UACA: variants seen among roughly 807,000 people sequenced by gnomAD.
The protein encoded by UACA is nuclear membrane binding protein.
A neutral mutation model predicts 160.5 loss-of-function variants in UACA; 112 were observed. That is an observed-to-expected ratio of 0.70 (90% CI 0.60 to 0.82). The LOEUF is 0.82. Among genes scored for constraint, UACA ranks in the 40% least tolerant of loss-of-function variants. The pLI, the probability that UACA is intolerant of heterozygous loss-of-function variation, is 0.00. For missense variants in UACA, 1,574 were observed against 1,614.6 expected, an observed-to-expected ratio of 0.97 and a Z score of 0.43; for synonymous variants, 557 against 568.4, an observed-to-expected ratio of 0.98 and a Z score of 0.29.
intron 13 of UACA, 73 bp downstream of exon 13, chr15:70,676,420 A>T: frequency 9.0e-7 from 1 of 1,106,978 alleles, no homozygotes; most frequent in Non-Finnish European, 1.3e-6. Context: ...TTATAATTCA[A>T]ATTCAAGTCT....
At position 70,695,018 on chromosome 15, in the gene UACA, TG is replaced by T. The variant is rs1369779891; in HGVS notation, c.299del (p.Ala100GlufsTer61). 6.2e-7 allele frequency: 1 copy of T among 1,605,256 alleles called. No individual in the cohort carries two copies. The highest frequency in any genetic ancestry group is 2.2e-5 in the East Asian group (1 of 44,506). ...AATTAACTATGGAGGCAAACATACC[TG>T]CAGTGTCACTGGTTGTAATATCAAC... ...HGVDITTSDT[A>X]GRNALHLAAK... is the part of the protein sequence containing the mutation. On this transcript the variant is annotated frameshift_variant and splice_region_variant, in exon 3 of 19. Coordinates refer to ENST00000322954, the MANE Select transcript of UACA (RefSeq NM_018003.4). LOFTEE classifies it high-confidence loss of function.
chr15:70,682,103 T>G (rs1225201252), intron 9 of UACA: 2 of 152,184 alleles, frequency 1.3e-5, no homozygotes, highest in Non-Finnish European at 2.9e-5. Flanking sequence ...AAACCAACCC[T>G]GCTTACTTTA....
chr15:70,700,245 C>CCA (rs367754460), intron 1 of UACA, among the ~76,000 whole-genome samples: 1 of 148,268 alleles, frequency 6.7e-6, no homozygotes, highest in African/African-American at 2.6e-5. Context: ...TACCCCCCCC[C>CCA]AACACAGACA....
intron 1 of UACA, among the ~76,000 whole-genome samples, chr15:70,715,459 C>T (rs924036721): frequency 4.6e-5 from 7 of 152,072 alleles, no homozygotes; most frequent in South Asian, 2.1e-4. Flanking sequence ...AAAATAGGTT[C>T]GCTACAACTC....
Position 70,656,991 on chromosome 15 carries a change from G to A in UACA, c.*65C>T, listed in dbSNP as rs985303826. ...GCACAGTAAGGCCCAGAAAGACCATGGAGTTGCACAAAGAATGTTCAGCAC... is the reference window on the plus strand; with the variant it reads ...GCACAGTAAGGCCCAGAAAGACCATAGAGTTGCACAAAGAATGTTCAGCAC... On this transcript the variant is annotated 3_prime_UTR_variant, in exon 19 of 19. Transcript: ENST00000322954. 3.0e-6 allele frequency: 4 copies of A among 1,311,884 alleles called. No individual in the cohort carries two copies. In the African/African-American group the frequency reaches 4.4e-5, roughly 14 times the overall value. The allele number at this position is 1,311,884 out of a possible 1,614,324, so 81.3% of individuals were successfully genotyped here.
chr15:70,740,902 C>T (rs1223434064), intron 1 of UACA, among the ~76,000 whole-genome samples: 1 of 150,070 alleles, frequency 6.7e-6, no homozygotes, highest in Non-Finnish European at 1.5e-5. Flanking sequence ...AGCCAGGCGT[C>T]GTGGTGGGCG....
chr15:70,763,700 A>C, upstream of UACA: 1 of 387,284 alleles, frequency 2.6e-6, no homozygotes, highest in Non-Finnish European at 4.2e-6. Context: ...TCCCAGCTGG[A>C]GGAAAAGTTT....
At chr15:70,692,457 C>A (rs1437111055) in intron 3 of UACA, among the ~76,000 whole-genome samples, 1 of 152,160 alleles carries the variant, frequency 6.6e-6, no homozygotes. Flanking sequence ...GACATCACAC[C>A]TGGCCACAAA....
At chr15:70,760,710 G>C (rs755559150) in intron 1 of UACA, among the ~76,000 whole-genome samples, 6 of 152,042 alleles carry the variant, frequency 3.9e-5, no homozygotes, top group Non-Finnish European at 7.4e-5. Flanking sequence ...AGGAGGCTGA[G>C]GCAGGAGAAT....
the UACA span, among the ~76,000 whole-genome samples, chr15:70,776,479 G>A: frequency 6.7e-6 from 1 of 148,642 alleles, no homozygotes; most frequent in Non-Finnish European, 1.5e-5. Context: ...CCAGGCTGGA[G>A]TGCAGTGGCG....
chr15:70,759,393 T>G (rs1320395811), intron 1 of UACA, among the ~76,000 whole-genome samples: 1 of 152,202 alleles, frequency 6.6e-6, no homozygotes, highest in Non-Finnish European at 1.5e-5. Context: ...CGGTGGCTGA[T>G]GCTTGTAATC....
chr15:70,673,742 T>A (rs947537062), intron 13 of UACA, among the ~76,000 whole-genome samples: 5 of 152,354 alleles, frequency 3.3e-5, no homozygotes, highest in Non-Finnish European at 7.3e-5. Flanking sequence ...CATGTTAAGT[T>A]ATTATACATA....
chr15:70,700,303 A>ATATATATATATATATATATATATATG (rs769927428), intron 1 of UACA, among the ~76,000 whole-genome samples: 9 of 133,984 alleles, frequency 6.7e-5, no homozygotes, highest in South Asian at 4.4e-4. Flanking sequence ...GGCAAATTGT[A>ATATATATATATATATATATATATATG]TATATATATA....
chr15:70,705,845 A>G (rs1898509372), intron 1 of UACA, among the ~76,000 whole-genome samples: 1 of 152,220 alleles, frequency 6.6e-6, no homozygotes, highest in African/African-American at 2.4e-5. Context: ...AATTGAGAAA[A>G]TATGACTACT....
At chr15:70,660,337 A>ACCTGC in intron 17 of UACA, 121 bp from the exon 18 acceptor site, 1 of 764,398 alleles carries the variant, frequency 1.3e-6, no homozygotes, top group South Asian at 1.8e-5. Context: ...TGCTACTTCT[A>ACCTGC]ACAACAAACT....
Position 70,743,147 on chromosome 15 carries a change from T to A in UACA, c.78+20183A>T, listed in dbSNP as rs182748932. On this transcript the variant is annotated intron_variant, in intron 1 of 18. Coordinates refer to ENST00000322954, the MANE Select transcript of UACA (RefSeq NM_018003.4). ...AAGACCTCTCACATTTCTTCTCACA[T>A]GGCCCCGTCCATCTTCAAGCCAGCA... 1.2e-3 allele frequency among the ~76,000 whole-genome samples: 177 copies of A among 152,334 alleles called. 1 individual carries two copies. Among genetic ancestry groups the A allele is most frequent in the Non-Finnish European group, 2.1e-3 (143 of 68,026 alleles).
At chr15:70,696,956 T>C (rs1427290698) in intron 2 of UACA, among the ~76,000 whole-genome samples, 1 of 152,208 alleles carries the variant, frequency 6.6e-6, no homozygotes, top group African/African-American at 2.4e-5. Context: ...GTGCTATAAA[T>C]AGATGTGCTT....
At chr15:70,757,778 T>C (rs1022042799) in intron 1 of UACA, among the ~76,000 whole-genome samples, 29 of 152,240 alleles carry the variant, frequency 1.9e-4, no homozygotes, top group African/African-American at 6.8e-4. Flanking sequence ...TTCTTACTGA[T>C]GATCAAACTG....
chr15:70,695,909 G>A (rs1249449384), intron 2 of UACA, among the ~76,000 whole-genome samples: 1 of 152,172 alleles, frequency 6.6e-6, no homozygotes, highest in Admixed American at 6.5e-5. Context: ...CTGACATTCT[G>A]TAAATCTATG....
Sources: gnomAD v4.1 joint callset for allele counts (sites outside exome capture counted in the v4.1 genomes callset) on GRCh38, gnomAD v4.1.1 for gene constraint, MANE v1.5 for transcripts, NCBI Gene and HGNC (gene_info 2026-07-23, HGNC 2026-07-21) for gene names.